The following KSR2 variants were observed in gnomAD, a reference collection of about 807,000 sequenced individuals.
The protein encoded by KSR2 is kinase suppressor of ras 2.
In KSR2, 25 loss-of-function variants were observed where a neutral mutation model predicts 107.8. The ratio of observed to expected loss-of-function variants is 0.23; its 90% CI spans 0.17 to 0.32. The LOEUF is 0.32. Among genes scored for constraint, KSR2 ranks in the 10% least tolerant of loss-of-function variants. KSR2 has a pLI of 1.00. For missense variants in KSR2, 887 were observed against 1,268.9 expected, an observed-to-expected ratio of 0.70 and a Z score of 4.57; for synonymous variants, 480 against 507.0, an observed-to-expected ratio of 0.95 and a Z score of 0.71.
intron 4 of KSR2, among the ~76,000 whole-genome samples, chr12:117,749,304 GCTGGAGCATCAATTCCTAAGTGA>G: frequency 6.6e-6 from 1 of 151,436 alleles, no homozygotes; most frequent in Non-Finnish European, 1.5e-5. Context: ...TCTCCACACT[GCTGGAGCATCAATTCCTAAGTGA>G]CTTATTTGCA....
intron 1 of KSR2, among the ~76,000 whole-genome samples, chr12:117,881,829 G>A (rs529922351): frequency 1.1e-3 from 161 of 152,270 alleles, no homozygotes; most frequent in Non-Finnish European, 2.0e-3. Flanking sequence ...AAGTCCAGCA[G>A]GGTCTGTTAG....
chr12:117,468,705 T>C (rs113581743), intron 19 of KSR2, among the ~76,000 whole-genome samples: 1 of 152,164 alleles, frequency 6.6e-6, no homozygotes, highest in South Asian at 2.1e-4. Flanking sequence ...AGTGTGTATA[T>C]ACACATGTCT....
Position 117,697,419 on chromosome 12 carries a change from T to C in KSR2, c.987-29761A>G, listed in dbSNP as rs1027407028. 5.3e-5 allele frequency among the ~76,000 whole-genome samples: 8 copies of C among 152,192 alleles called. No homozygotes were observed. The East Asian group carries it at 9.6e-4, about 18-fold the overall frequency. On this transcript the variant is annotated intron_variant, in intron 4 of 19. Transcript: ENST00000339824. ...TCAAGACGCTATCTGCTTAGAAATA[T>C]GCATTTTCTACGTATATGTTACACT...
At chr12:117,488,293 T>C (rs1443512329) in intron 14 of KSR2, among the ~76,000 whole-genome samples, 1 of 152,214 alleles carries the variant, frequency 6.6e-6, no homozygotes, top group Non-Finnish European at 1.5e-5. Flanking sequence ...AACCAGCGAT[T>C]CTTCCTCTAA....
chr12:117,847,267 C>T (rs1237175977), intron 3 of KSR2, among the ~76,000 whole-genome samples: 1 of 152,196 alleles, frequency 6.6e-6, no homozygotes, highest in Non-Finnish European at 1.5e-5. Flanking sequence ...AAAGGAAGAC[C>T]GTACGGTGGC....
At chr12:117,785,692 C>T (rs1018818533) in intron 3 of KSR2, among the ~76,000 whole-genome samples, 12 of 151,800 alleles carry the variant, frequency 7.9e-5, no homozygotes, top group South Asian at 2.1e-4. Context: ...AATATCAAAA[C>T]GGAGATGACA....
chr12:117,924,036 G>A (rs1413098137), intron 1 of KSR2, among the ~76,000 whole-genome samples: 2 of 151,140 alleles, frequency 1.3e-5, no homozygotes, highest in African/African-American at 4.9e-5. Flanking sequence ...GCGCCACCAC[G>A]CCTGGCTAAT....
intron 7 of KSR2, among the ~76,000 whole-genome samples, chr12:117,572,520 T>A (rs532738983): frequency 6.6e-6 from 1 of 152,026 alleles, no homozygotes; most frequent in East Asian, 1.9e-4. Context: ...TTCACCCTCA[T>A]ACCCCGAGTG....
intron 3 of KSR2, among the ~76,000 whole-genome samples, chr12:117,805,803 G>A (rs917250852): frequency 4.6e-5 from 7 of 152,120 alleles, no homozygotes; most frequent in African/African-American, 1.7e-4. Flanking sequence ...CCAACATGGC[G>A]AAACCCCATC....
intron 1 of KSR2, among the ~76,000 whole-genome samples, chr12:117,875,775 T>A (rs1401494219): frequency 1.3e-5 from 2 of 152,150 alleles, no homozygotes; most frequent in Non-Finnish European, 2.9e-5. Context: ...AATGCCACCA[T>A]CACGCCGCCC....
chr12:117,552,662 A>AG (rs1877388107), intron 9 of KSR2, among the ~76,000 whole-genome samples: 1 of 152,212 alleles, frequency 6.6e-6, no homozygotes, highest in African/African-American at 2.4e-5. Flanking sequence ...CCTCTAAATC[A>AG]GGGGTCAGAA....
At chr12:117,531,339 C>T (rs913428355) in intron 11 of KSR2, among the ~76,000 whole-genome samples, 1 of 152,172 alleles carries the variant, frequency 6.6e-6, no homozygotes, top group Non-Finnish European at 1.5e-5. Flanking sequence ...CCCTTGGTTT[C>T]ACATCCTCTC....
At chr12:117,693,923 T>C (rs1195780418) in intron 4 of KSR2, among the ~76,000 whole-genome samples, 1 of 152,220 alleles carries the variant, frequency 6.6e-6, no homozygotes, top group Non-Finnish European at 1.5e-5. Flanking sequence ...TGCTCTTGCC[T>C]CTTGAATAAC....
intron 4 of KSR2, among the ~76,000 whole-genome samples, chr12:117,702,040 C>T (rs1033840442): frequency 6.6e-6 from 1 of 152,238 alleles, no homozygotes; most frequent in African/African-American, 2.4e-5. Context: ...TGCTCTTTCT[C>T]CTCAGCCGCA....
At chr12:117,531,622 G>C (rs768993914) in intron 11 of KSR2, 44 bp downstream of exon 11, 2 of 1,568,638 alleles carry the variant, frequency 1.3e-6, no homozygotes, top group Non-Finnish European at 1.7e-6. Context: ...CAATGCAGCG[G>C]GGCTTGTTCA....
At position 117,557,144 on chromosome 12, in the gene KSR2, G is replaced by A. The variant is rs187992247; in HGVS notation, c.1393+1362C>T. Among the ~76,000 whole-genome samples the A allele has an allele frequency of 3.2e-4, 48 of 152,246 alleles. No individual in the cohort carries two copies. In the East Asian group the frequency reaches 7.2e-3, roughly 23 times the overall value. On this transcript the variant is annotated intron_variant, in intron 8 of 19. Coordinates refer to ENST00000339824, the MANE Select transcript of KSR2 (RefSeq NM_173598.6). ...CGCACCACTGCACTCCAGCCTGGGCGACAGAGAGAGACTCCATCTCAAAAA... is the reference window on the plus strand; with the variant it reads ...CGCACCACTGCACTCCAGCCTGGGCAACAGAGAGAGACTCCATCTCAAAAA...
Position 117,968,312 on chromosome 12 carries a change from G to T in KSR2, c.-57C>A. Reference sequence around the variant, plus strand: ...TCCTCCCAGAGAGAAAAAAGAGGGGGGGGAGTAGAGGTAGTCTACCCTCCG... The same window carrying T: ...TCCTCCCAGAGAGAAAAAAGAGGGGTGGGAGTAGAGGTAGTCTACCCTCCG... On this transcript the variant is annotated 5_prime_UTR_variant, in exon 1 of 20. Coordinates refer to ENST00000339824, the MANE Select transcript of KSR2 (RefSeq NM_173598.6). The T allele has an allele frequency of 6.9e-7, 1 of 1,453,446 alleles. No homozygotes were observed. The highest frequency in any genetic ancestry group is 1.4e-5 in the South Asian group (1 of 69,010). The allele number at this position is 1,453,446 out of a possible 1,614,324, so 90.0% of individuals were successfully genotyped here. A position where few individuals can be genotyped will look rare whatever the true frequency, so the allele number is the denominator to read the frequency against.
chr12:117,680,765 G>A (rs1417939035), intron 4 of KSR2, among the ~76,000 whole-genome samples: 1 of 152,104 alleles, frequency 6.6e-6, no homozygotes, highest in African/African-American at 2.4e-5. Context: ...GAAAGTGGGA[G>A]GAGAAAAAAC....
At chr12:117,923,924 G>C (rs1475223040) in intron 1 of KSR2, among the ~76,000 whole-genome samples, 1 of 150,808 alleles carries the variant, frequency 6.6e-6, no homozygotes, top group Admixed American at 6.6e-5. Context: ...TGTTGCCCAG[G>C]CTGGAGTGCA....
Sources: allele counts gnomAD v4.1 joint callset (sites outside exome capture counted in the v4.1 genomes callset), GRCh38; gene constraint gnomAD v4.1.1; transcripts MANE v1.5; gene names NCBI Gene and HGNC (gene_info 2026-07-23, HGNC 2026-07-21).